ITFG1: variants seen among roughly 807,000 people sequenced by gnomAD.
ITFG1 encodes the protein integrin alpha FG-GAP repeat containing 1.
Under a neutral mutation model 81.8 loss-of-function variants are expected in ITFG1, and 34 were observed. The ratio of observed to expected loss-of-function variants is 0.42; its 90% CI spans 0.32 to 0.55. The LOEUF (loss-of-function observed/expected upper bound fraction) is 0.55, where lower values mean the gene tolerates loss of function less well. ITFG1 is among the 20% of genes least tolerant of loss of function. ITFG1 has a pLI of 0.17. For missense variants in ITFG1, 672 were observed against 755.4 expected (o/e 0.89, Z 1.29); for synonymous variants, 285 against 270.6 (o/e 1.05, Z -0.52).
chr16:47,454,086 C>G lies in ITFG1; in HGVS notation c.354G>C (p.Leu118=). Residue 118 remains leucine, a synonymous_variant, in exon 3 of 18, where the codon CTG becomes CTC. Coordinates refer to ENST00000320640, the MANE Select transcript of ITFG1 (RefSeq NM_030790.5). ...YDGDSQMDVL[L]TYLPKNYAKS... is the part of the protein sequence containing the mutation. ...TGGCATAATTTTTGGGAAGATATGT[C>G]AGAAGGACATCCATTTGAGAATCTC... 3 of 1,606,650 alleles carry G rather than the reference C, an allele frequency of 1.9e-6. No individual in the cohort carries two copies. Among genetic ancestry groups the G allele is most frequent in the Non-Finnish European group, 2.6e-6 (3 of 1,173,554 alleles).
chr16:47,434,939 A>AT, intron 5 of ITFG1, among the ~76,000 whole-genome samples: 1 of 152,190 alleles, frequency 6.6e-6, no homozygotes. Flanking sequence ...AAAACCAAAC[A>AT]TTACATGTTC....
At chr16:47,351,210 G>A (rs1967948950) in intron 8 of ITFG1, among the ~76,000 whole-genome samples, 1 of 152,130 alleles carries the variant, frequency 6.6e-6, no homozygotes, top group South Asian at 2.1e-4. Context: ...GTTCTGGCCA[G>A]GGCAATTAGG....
chr16:47,225,065 G>A (rs559326936), intron 13 of ITFG1, among the ~76,000 whole-genome samples: 1 of 152,250 alleles, frequency 6.6e-6, no homozygotes, highest in South Asian at 2.1e-4. Flanking sequence ...AGAAAATTAT[G>A]AGAACAGTGT....
At chr16:47,228,650 G>A (rs566873973) in intron 13 of ITFG1, among the ~76,000 whole-genome samples, 1 of 152,334 alleles carries the variant, frequency 6.6e-6, no homozygotes, top group Admixed American at 6.5e-5. Context: ...GATTACAGGT[G>A]TAAGCCATGG....
chr16:47,382,875 C>T (rs1968413144), intron 6 of ITFG1, among the ~76,000 whole-genome samples: 1 of 152,074 alleles, frequency 6.6e-6, no homozygotes, highest in South Asian at 2.1e-4. Context: ...AATTACTACA[C>T]TTTTATCATA....
Position 47,451,419 on chromosome 16 carries a change from G to C in ITFG1, c.537C>G (p.Asn179Lys), listed in dbSNP as rs1969387412. 1 of 1,583,998 alleles carries C rather than the reference G, an allele frequency of 6.3e-7. No homozygotes were observed. Among genetic ancestry groups the C allele is most frequent in the Non-Finnish European group, 8.7e-7 (1 of 1,153,636 alleles). ...PDIFGITNES[N>K]QPQILLGGNL... ...ACCCTCCTAATAGTATCTGTGGCTG[G>C]TTGGATTCATTTGTGATACCAAAAA... The change falls in exon 5 of 18, where the codon AAC (asparagine) becomes AAG (lysine). Residue 179 changes from asparagine (N) to lysine (K), a missense_variant. Physicochemically the swap from Asn to Lys is moderately conservative, Grantham distance 94 (BLOSUM62 0). Transcript: ENST00000320640.
Position 47,288,349 on chromosome 16 carries a change from G to GA in ITFG1, c.1070+22890dup, listed in dbSNP as rs1966878184. 2.0e-5 allele frequency among the ~76,000 whole-genome samples: 3 copies of GA among 152,282 alleles called. No individual in the cohort carries two copies. In the East Asian group the frequency reaches 5.8e-4, roughly 29 times the overall value. ...TGCAAAAATCAATTCATCTCTTGAT[G>GA]AATAGTTAGGTTCATTTAATATCTT... is the stretch of plus-strand genomic sequence containing the variant. On this transcript the variant is annotated intron_variant, in intron 10 of 17. Transcript: ENST00000320640.
chr16:47,323,096 A>G (rs2151569423), intron 8 of ITFG1, among the ~76,000 whole-genome samples: 1 of 152,126 alleles, frequency 6.6e-6, no homozygotes, highest in South Asian at 2.1e-4. Flanking sequence ...CACTACTATT[A>G]TGATTTGAAT....
chr16:47,341,924 A>T (rs1967789768), intron 8 of ITFG1, among the ~76,000 whole-genome samples: 1 of 152,182 alleles, frequency 6.6e-6, no homozygotes, highest in South Asian at 2.1e-4. Flanking sequence ...TTGAACCATG[A>T]ATCAAAAATT....
At chr16:47,347,634 C>A (rs762092471) in intron 8 of ITFG1, among the ~76,000 whole-genome samples, 2 of 152,218 alleles carry the variant, frequency 1.3e-5, no homozygotes, top group African/African-American at 2.4e-5. Context: ...CATAGCCGAA[C>A]AAAGGGCAGC....
intron 8 of ITFG1, among the ~76,000 whole-genome samples, chr16:47,362,999 T>C (rs1968128904): frequency 6.6e-6 from 1 of 152,108 alleles, no homozygotes; most frequent in Non-Finnish European, 1.5e-5. Context: ...CAGGCTCAAG[T>C]GATCCTCCCA....
chr16:47,194,537 A>G (rs1425866429), intron 14 of ITFG1, among the ~76,000 whole-genome samples: 1 of 152,206 alleles, frequency 6.6e-6, no homozygotes, highest in South Asian at 2.1e-4. Context: ...TCAGTCACTT[A>G]TAAACACCCT....
At chr16:47,448,326 A>C (rs1343967554) in intron 5 of ITFG1, 1 of 152,214 alleles carries the variant, frequency 6.6e-6, no homozygotes, top group Non-Finnish European at 1.5e-5. Context: ...TAAATGGAAA[A>C]ATGCAGATTT....
At chr16:47,177,302 A>G (rs529036416) in intron 14 of ITFG1, among the ~76,000 whole-genome samples, 43 of 152,200 alleles carry the variant, frequency 2.8e-4, no homozygotes, top group African/African-American at 8.4e-4. Flanking sequence ...CGGCTATACA[A>G]TTATCATACT....
At chr16:47,230,066 G>A (rs1596821580) in intron 13 of ITFG1, among the ~76,000 whole-genome samples, 1 of 152,254 alleles carries the variant, frequency 6.6e-6, no homozygotes, top group Middle Eastern at 3.4e-3. Context: ...GGAAAAAGAA[G>A]GTGCATAGGG....
chr16:47,326,139 A>T (rs1330666422), intron 8 of ITFG1, among the ~76,000 whole-genome samples: 17 of 152,276 alleles, frequency 1.1e-4, no homozygotes, highest in Admixed American at 1.3e-4. Context: ...TCAAGTGGGC[A>T]TCATCCCTGG....
intron 8 of ITFG1, among the ~76,000 whole-genome samples, chr16:47,364,252 C>T (rs1207454429): frequency 6.6e-6 from 1 of 152,002 alleles, no homozygotes; most frequent in East Asian, 1.9e-4. Context: ...AAACATGGAG[C>T]AATAGATATG....
intron 8 of ITFG1, among the ~76,000 whole-genome samples, chr16:47,353,399 C>T (rs1340947417): frequency 1.3e-5 from 2 of 152,026 alleles, no homozygotes; most frequent in East Asian, 3.9e-4. Flanking sequence ...GTATGTACCT[C>T]AACACAATAA....
At chr16:47,219,193 CA>C (rs2151527211) in intron 13 of ITFG1, among the ~76,000 whole-genome samples, 1 of 152,206 alleles carries the variant, frequency 6.6e-6, no homozygotes, top group African/African-American at 2.4e-5. Context: ...TTAATAGTTG[CA>C]ATTATTCAGT....
Sources: gnomAD v4.1 joint callset for allele counts (sites outside exome capture counted in the v4.1 genomes callset) on GRCh38, gnomAD v4.1.1 for gene constraint, MANE v1.5 for transcripts, NCBI Gene and HGNC (gene_info 2026-07-23, HGNC 2026-07-21) for gene names.